The following ARHGEF38 variants were observed in gnomAD, a reference collection of about 807,000 sequenced individuals.
The protein encoded by ARHGEF38 is Rho guanine nucleotide exchange factor 38.
A neutral mutation model predicts 79.9 loss-of-function variants in ARHGEF38; 79 were observed. The observed-to-expected ratio is 0.99, with a 90% CI of 0.82 to 1.19. The LOEUF (loss-of-function observed/expected upper bound fraction) is 1.19. Ranked by LOEUF, ARHGEF38 falls within the 50% of genes most tolerant of loss-of-function variation. The probability of loss-of-function intolerance (pLI) is 0.00; values close to 1 mark genes in which losing one functional copy is unlikely to be tolerated. For synonymous variants in ARHGEF38, 366 were observed against 328.3 expected (o/e 1.11, Z -1.24); for missense variants, 962 against 907.2 (o/e 1.06, Z -0.78).
At chr4:105,561,424 G>GGAATAGAATA (rs1725544021) in intron 1 of ARHGEF38, among the ~76,000 whole-genome samples, 3 of 53,004 alleles carry the variant, frequency 5.7e-5, no homozygotes, top group African/African-American at 8.6e-5. Context: ...AGAATAGAAT[G>GGAATAGAATA]GAATAGAATA....
intron 3 of ARHGEF38, among the ~76,000 whole-genome samples, chr4:105,616,898 C>T (rs750855425): frequency 9.2e-5 from 14 of 152,220 alleles, no homozygotes; most frequent in Non-Finnish European, 1.8e-4. Flanking sequence ...CATTTCACTG[C>T]ATGCAGCATG....
At chr4:105,584,310 T>C (rs904634947) in intron 1 of ARHGEF38, among the ~76,000 whole-genome samples, 6 of 152,194 alleles carry the variant, frequency 3.9e-5, no homozygotes, top group African/African-American at 1.4e-4. Flanking sequence ...ATACAACCAA[T>C]AATACAGTAA....
At chr4:105,555,878 A>C (rs1225125668) in intron 1 of ARHGEF38, among the ~76,000 whole-genome samples, 1 of 152,140 alleles carries the variant, frequency 6.6e-6, no homozygotes. Flanking sequence ...TCAATTTCTC[A>C]CATCACTTTA....
chr4:105,650,107 T>C (rs1255085545), intron 7 of ARHGEF38, among the ~76,000 whole-genome samples: 1 of 152,236 alleles, frequency 6.6e-6, no homozygotes, highest in East Asian at 1.9e-4. Context: ...ATTTAATCAT[T>C]ATTATTTTAT....
intron 13 of ARHGEF38, among the ~76,000 whole-genome samples, chr4:105,676,892 T>G (rs564087313): frequency 6.6e-6 from 1 of 152,134 alleles, no homozygotes; most frequent in African/African-American, 2.4e-5. Flanking sequence ...CTTTTTAAGG[T>G]TTACTATTTT....
intron 1 of ARHGEF38, among the ~76,000 whole-genome samples, chr4:105,561,253 A>C (rs1291188675): frequency 6.6e-6 from 1 of 151,542 alleles, no homozygotes; most frequent in African/African-American, 2.4e-5. Flanking sequence ...CAAAACAAAA[A>C]ATTAGCTGGT....
chr4:105,651,811 C>T (rs955370437), intron 7 of ARHGEF38, among the ~76,000 whole-genome samples: 1 of 152,174 alleles, frequency 6.6e-6, no homozygotes. Context: ...TGTGCCACTG[C>T]TCCTGGCCGC....
At chr4:105,578,299 T>G (rs918090339) in intron 1 of ARHGEF38, among the ~76,000 whole-genome samples, 9 of 152,202 alleles carry the variant, frequency 5.9e-5, no homozygotes, top group Non-Finnish European at 1.3e-4. Flanking sequence ...GTTGATATTA[T>G]TTTGACTTCT....
chr4:105,606,015 A>G lies in ARHGEF38; in HGVS notation c.385-7369A>G, dbSNP rs185087890. Among the ~76,000 whole-genome samples the G allele has an allele frequency of 7.2e-5, 11 of 152,234 alleles. No homozygotes were observed. The East Asian group carries it at 1.9e-3, about 27-fold the overall frequency. ...GGTTTTGATGGCTTCAGCATTAATA[A>G]TGGATCAATCTAATTTAGAGGATGC... On this transcript the variant is annotated intron_variant, in intron 2 of 13. Transcript: ENST00000420470.
chr4:105,582,768 T>G (rs1726858746), intron 1 of ARHGEF38, among the ~76,000 whole-genome samples: 1 of 152,200 alleles, frequency 6.6e-6, no homozygotes. Flanking sequence ...TAAGACTGAT[T>G]TGTCAAATTC....
At position 105,659,081 on chromosome 4, in the gene ARHGEF38, A is replaced by T; in HGVS notation, c.1261A>T (p.Thr421Ser). The change falls in exon 10 of 14, where the codon ACC becomes TCC. Residue 421 changes from threonine (T) to serine (S), a missense_variant. Coordinates refer to ENST00000420470, the MANE Select transcript of ARHGEF38 (RefSeq NM_001242729.2). ...ATCTCACTTACAGAGACTCATCCTG[A>T]CCCCCTTGTCAGCCCTGCTGTCCTT... ...FASHLQRLILTPLSALLSLFP... is the reference protein window; with the variant it reads ...FASHLQRLILSPLSALLSLFP... 6.5e-7 allele frequency: 1 copy of T among 1,535,444 alleles called. No individual in the cohort carries two copies. Among genetic ancestry groups the T allele is most frequent in the South Asian group, 1.2e-5 (1 of 83,972 alleles).
rs753493625 is a variant in ARHGEF38, at chr4:105,677,869, T to C, written c.2266T>C (p.Leu756=). ...CDLSGNKEWW[L]AEAQGQKGYV... is the part of the protein sequence containing the mutation. ...CCTAAGTGGCAATAAAGAGTGGTGG[T>C]TAGCTGAAGCTCAAGGGCAGAAAGG... is the stretch of plus-strand genomic sequence containing the variant. The change falls in exon 14 of 14, where the codon TTA becomes CTA. Residue 756 remains leucine (L), a synonymous_variant. Coordinates refer to ENST00000420470, the MANE Select transcript of ARHGEF38 (RefSeq NM_001242729.2). The C allele has an allele frequency of 3.9e-6, 6 of 1,535,126 alleles. 1 individual carries two copies. The highest frequency in any genetic ancestry group is 1.4e-5 in the African/African-American group (1 of 73,172).
intron 3 of ARHGEF38, among the ~76,000 whole-genome samples, chr4:105,628,919 AC>A (rs1030818320): frequency 1.3e-5 from 2 of 152,208 alleles, no homozygotes; most frequent in African/African-American, 4.8e-5. Flanking sequence ...GAGACAAATG[AC>A]AATTCTTGAG....
chr4:105,617,331 T>C (rs528502625), intron 3 of ARHGEF38, among the ~76,000 whole-genome samples: 1 of 152,168 alleles, frequency 6.6e-6, no homozygotes, highest in East Asian at 1.9e-4. Flanking sequence ...AGCAGACGTG[T>C]AGTTGAAAAT....
At chr4:105,605,551 A>G (rs189478848) in intron 2 of ARHGEF38, among the ~76,000 whole-genome samples, 61 of 152,286 alleles carry the variant, frequency 4.0e-4, no homozygotes, top group Non-Finnish European at 2.9e-5. Context: ...TATCTGCAAG[A>G]TTAGTTAAAA....
At chr4:105,589,477 A>G (rs1305509476) in intron 2 of ARHGEF38, 42 bp downstream of exon 2, 2 of 1,539,558 alleles carry the variant, frequency 1.3e-6, no homozygotes, top group Non-Finnish European at 1.8e-6. Flanking sequence ...CCCATATCAT[A>G]AATAGGATCA....
chr4:105,648,791 T>A, intron 7 of ARHGEF38, 109 bp downstream of exon 7: 1 of 1,139,100 alleles, frequency 8.8e-7, no homozygotes, highest in East Asian at 2.6e-5. Context: ...AGAATCAAGG[T>A]AATTGCCCTA....
intron 2 of ARHGEF38, among the ~76,000 whole-genome samples, chr4:105,589,995 G>A (rs1383256526): frequency 4.0e-5 from 6 of 150,066 alleles, no homozygotes; most frequent in Admixed American, 1.3e-4. Context: ...GCCAAATCGC[G>A]CCATTGCACT....
At position 105,648,819 on chromosome 4, in the gene ARHGEF38, C is replaced by CCTCTCTCTCT. The variant is rs71586108; in HGVS notation, c.1008+156_1008+165dup. On this transcript the variant is annotated intron_variant, in intron 7 of 13. Coordinates refer to ENST00000420470, the MANE Select transcript of ARHGEF38 (RefSeq NM_001242729.2). ...TTGCCCTATGCTGTTCTCTTGTCTCCCTCTCTCTCTCTCTCTCTCTCTCTC... is the reference window on the plus strand; with the variant it reads ...TTGCCCTATGCTGTTCTCTTGTCTCCCTCTCTCTCTCTCTCTCTCTCTCTCTCTCTCTCTC... 2.0e-5 allele frequency: 10 copies of CCTCTCTCTCT among 491,190 alleles called. No individual in the cohort carries two copies. The African/African-American group carries it at 2.2e-4, about 11-fold the overall frequency. 30.4% of individuals were successfully genotyped at this position (491,190 alleles called of 1,614,324 possible).
Sources: gnomAD v4.1 joint callset for allele counts (sites outside exome capture counted in the v4.1 genomes callset) on GRCh38, gnomAD v4.1.1 for gene constraint, MANE v1.5 for transcripts, NCBI Gene and HGNC (gene_info 2026-07-23, HGNC 2026-07-21) for gene names.